The following DHX37 variants were observed in gnomAD, a reference collection of about 807,000 sequenced individuals.
DHX37 encodes DEAH-box helicase 37.
DHX37 carries 52 observed loss-of-function variants against 134.3 expected under a neutral mutation model. The observed-to-expected ratio is 0.39, with a 90% confidence interval of 0.31 to 0.49. The LOEUF is 0.49. Ranked by LOEUF, DHX37 falls within the 20% of genes least tolerant of loss-of-function variation. The pLI is 0.93. For synonymous variants in DHX37, 634 were observed against 670.7 expected (o/e 0.95, Z 0.85); for missense variants, 1,344 against 1,580.8 (o/e 0.85, Z 2.54).
chr12:124,967,699 T>C (rs1421424760), intron 10 of DHX37, among the ~76,000 whole-genome samples: 3 of 152,136 alleles, frequency 2.0e-5, no homozygotes, highest in Non-Finnish European at 2.9e-5. Flanking sequence ...GTCAAGCTTG[T>C]TGGGAAGCAC....
At position 124,980,427 on chromosome 12, in the gene DHX37, C is replaced by G; in HGVS notation, c.738+63G>C. The G allele has an allele frequency of 6.5e-7, 1 of 1,550,282 alleles. No individual in the cohort carries two copies. ...ATGCCCTTGCCCCACTTCACCAGGACGCCCTCTGTGCGCCCCTTGCCCGCT... is the reference window on the plus strand; with the variant it reads ...ATGCCCTTGCCCCACTTCACCAGGAGGCCCTCTGTGCGCCCCTTGCCCGCT... On this transcript the variant is annotated intron_variant, in intron 4 of 26. Coordinates refer to ENST00000308736, the MANE Select transcript of DHX37 (RefSeq NM_032656.4). The surrounding 1 kb of genome is among the most constrained non-coding windows in gnomAD (Gnocchi z 5.3).
chr12:124,972,462 G>A (rs1449407224), intron 7 of DHX37, 41 bp downstream of exon 7: 2 of 1,606,090 alleles, frequency 1.2e-6, no homozygotes, highest in Admixed American at 3.3e-5. Context: ...CCGCCCCCAT[G>A]CCCACTGGCC....
intron 15 of DHX37, among the ~76,000 whole-genome samples, chr12:124,961,461 C>T (rs1395781277): frequency 2.6e-5 from 4 of 152,056 alleles, no homozygotes; most frequent in African/African-American, 9.7e-5. Flanking sequence ...TGAAGTCTCG[C>T]TCTGTCGCCC....
chr12:124,977,332 C>T lies in DHX37; in HGVS notation c.887+10G>A, dbSNP rs369283485. ...AGGGACCCAGAGAGAACCCTGTGTCCAGCCCCTACCTGCTGAAGCCTGCTT... is the reference window on the plus strand; with the variant it reads ...AGGGACCCAGAGAGAACCCTGTGTCTAGCCCCTACCTGCTGAAGCCTGCTT... On this transcript the variant is annotated intron_variant, in intron 5 of 26. Transcript: ENST00000308736. The T allele has an allele frequency of 9.2e-5, 141 of 1,532,876 alleles. No individual in the cohort carries two copies. The highest frequency in any genetic ancestry group is 6.2e-4 in the Admixed American group (29 of 46,670). The allele number at this position is 1,532,876 out of a possible 1,614,324, so 95.0% of individuals were successfully genotyped here.
chr12:124,949,418 GC>G lies in DHX37; in HGVS notation c.3290+567del, dbSNP rs1319255786. 3.9e-5 allele frequency among the ~76,000 whole-genome samples: 6 copies of G among 152,188 alleles called. No individual in the cohort carries two copies. The highest frequency in any genetic ancestry group is 2.0e-4 in the Admixed American group (3 of 15,282). On this transcript the variant is annotated intron_variant, in intron 25 of 26. Coordinates refer to ENST00000308736, the MANE Select transcript of DHX37 (RefSeq NM_032656.4). The surrounding 1 kb of genome is among the most constrained non-coding windows in gnomAD (Gnocchi z 4.0). ...GGAGAGCAGAAGCAGGAGGCAGAGG[GC>G]AAGGGTGAGCCCTGAAGCAGAGGTG...
chr12:124,947,767 C>G lies in DHX37; in HGVS notation c.*35G>C. 1 of 1,527,234 alleles carries G rather than the reference C, an allele frequency of 6.5e-7. No homozygotes were observed. The highest frequency in any genetic ancestry group is 2.1e-5 in the Admixed American group (1 of 47,996). 94.6% of individuals were successfully genotyped at this position (1,527,234 alleles called of 1,614,324 possible). A position where few individuals can be genotyped will look rare whatever the true frequency, so the allele number is the denominator to read the frequency against. ...AGGCTGCTGCCAGCCCTCCAGTCCCCAAACCAGTCCTCGGCCCTGCAGCCA... is the reference window on the plus strand; with the variant it reads ...AGGCTGCTGCCAGCCCTCCAGTCCCGAAACCAGTCCTCGGCCCTGCAGCCA... On this transcript the variant is annotated 3_prime_UTR_variant, in exon 27 of 27. Coordinates refer to ENST00000308736, the MANE Select transcript of DHX37 (RefSeq NM_032656.4).
At position 124,968,234 on chromosome 12, in the gene DHX37, TC is replaced by T. The variant is rs111771730; in HGVS notation, c.1408+299del. On this transcript the variant is annotated intron_variant, in intron 10 of 26. Transcript: ENST00000308736. ...GTGACTCTTGGGGGGATGTGCCCGT[TC>T]CCCTACAGTGTCTATGGTCACCTGC... Among the ~76,000 whole-genome samples, 66 of 152,254 alleles carry T rather than the reference TC, an allele frequency of 4.3e-4. 1 individual carries two copies. The highest frequency in any genetic ancestry group is 3.4e-3 in the Middle Eastern group (1 of 294).
intron 15 of DHX37, among the ~76,000 whole-genome samples, chr12:124,961,278 GCA>G (rs201867332): frequency 3.8e-4 from 34 of 89,748 alleles, no homozygotes; most frequent in African/African-American, 1.1e-3. Flanking sequence ...ACGCGTGCAC[GCA>G]CACACACTTA....
In DHX37 at chr12:124,974,527, C is replaced by G. The variant is rs1954591258; in HGVS notation, c.980+892G>C. The stretch of plus-strand genomic sequence containing the variant: ...GGGCCGGTGGCTCTGTCTGGTCCAC[C>G]ACCACGTCCTGAGAGCCCAGGATGG... On this transcript the variant is annotated intron_variant, in intron 6 of 26. Coordinates refer to ENST00000308736, the MANE Select transcript of DHX37 (RefSeq NM_032656.4). Among the ~76,000 whole-genome samples the G allele has an allele frequency of 3.3e-5, 5 of 149,998 alleles. No homozygotes were observed. In the South Asian group the frequency reaches 1.1e-3, roughly 32 times the overall value.
rs575811691 is a variant in DHX37 at position 124,977,376 on chromosome 12, C to T, written c.853G>A (p.Val285Met). ...GETGSGKTTQ[V>M]PQFLYEAGFS... The stretch of plus-strand genomic sequence containing the variant: ...CCTGCTTCATAGAGAAACTGAGGCA[C>T]CTGTGTGGTCTTCCCGCTGCCGGTC... Residue 285 changes from valine (V) to methionine (M), a missense_variant, in exon 5 of 27, where the codon GTG becomes ATG. By Grantham distance (21) the Val-to-Met change is conservative. This residue lies in a region of DHX37 where 77 missense variants were observed against 121.6 expected (regional missense o/e 0.63). Transcript: ENST00000308736. The T allele has an allele frequency of 4.4e-6, 7 of 1,595,382 alleles. No homozygotes were observed. The highest frequency in any genetic ancestry group is 2.7e-5 in the African/African-American group (2 of 74,252).
intron 15 of DHX37, 44 bp downstream of exon 15, chr12:124,964,350 C>G: frequency 6.2e-7 from 1 of 1,605,742 alleles, no homozygotes; most frequent in Non-Finnish European, 8.5e-7. Context: ...GTGGCTATTG[C>G]AAGGCGGCAC....
rs774897800 is a variant in DHX37, at chr12:124,953,860, G to T, written c.2695+20C>A. 3.7e-6 allele frequency: 6 copies of T among 1,606,296 alleles called. No homozygotes were observed. The Admixed American group carries it at 1.0e-4, about 27-fold the overall frequency. On this transcript the variant is annotated intron_variant, in intron 20 of 26. Transcript: ENST00000308736. The stretch of plus-strand genomic sequence containing the variant: ...CAGGTTGCCCGCCGGGTGCAGCGGC[G>T]TGCCGGCACGGGGCCGTACCTGCGG...
intron 12 of DHX37, 85 bp from the exon 13 acceptor site, chr12:124,965,897 C>A: frequency 1.3e-6 from 2 of 1,528,846 alleles, no homozygotes; most frequent in Non-Finnish European, 8.8e-7. Context: ...GGTGCCCTCG[C>A]ATGGAAGCCC....
intron 8 of DHX37, among the ~76,000 whole-genome samples, chr12:124,970,882 G>T (rs1031678211): frequency 6.6e-6 from 1 of 152,204 alleles, no homozygotes; most frequent in African/African-American, 2.4e-5. Flanking sequence ...GCTGGGGCAG[G>T]GAGATGGAGA....
intron 2 of DHX37, among the ~76,000 whole-genome samples, chr12:124,983,781 T>A: frequency 8.2e-6 from 1 of 122,048 alleles, no homozygotes; most frequent in African/African-American, 3.1e-5. Context: ...CAAGACCTTG[T>A]CTCCAAAAAA....
At chr12:124,961,955 A>T (rs1373714364) in intron 15 of DHX37, among the ~76,000 whole-genome samples, 1 of 152,116 alleles carries the variant, frequency 6.6e-6, no homozygotes, top group Non-Finnish European at 1.5e-5. Flanking sequence ...ATATTAAAAA[A>T]AAAGTGGGGG....
intron 15 of DHX37, among the ~76,000 whole-genome samples, chr12:124,961,186 A>ATG (rs1555275405): frequency 2.5e-4 from 6 of 23,702 alleles, no homozygotes; most frequent in African/African-American, 4.1e-4. Flanking sequence ...GCATGCGCGC[A>ATG]CGCACACACA....
At chr12:124,955,846 G>A (rs11834872) in intron 18 of DHX37, among the ~76,000 whole-genome samples, 40,153 of 151,116 alleles carry the variant, frequency 0.27, 7,075 homozygotes, top group African/African-American at 0.51. Flanking sequence ...CTGAGGCCAC[G>A]TGTGGTTAGT....
In DHX37 at chr12:124,947,790, C is replaced by T. The variant is rs1162081830; in HGVS notation, c.*12G>A. The T allele has an allele frequency of 4.5e-6, 7 of 1,551,608 alleles. No individual in the cohort carries two copies. Among genetic ancestry groups the T allele is most frequent in the Admixed American group, 1.9e-5 (1 of 52,306 alleles). ...CCCAAACCAGTCCTCGGCCCTGCAG[C>T]CAGGTTTCTGGTCAGTGGACAGTGG... On this transcript the variant is annotated 3_prime_UTR_variant, in exon 27 of 27. Transcript: ENST00000308736.
Sources: allele counts gnomAD v4.1 joint callset (sites outside exome capture counted in the v4.1 genomes callset), GRCh38; gene constraint gnomAD v4.1.1; regional missense constraint gnomAD v4.1.1; non-coding constraint Gnocchi (gnomAD v3.1); transcripts MANE v1.5; gene names NCBI Gene and HGNC (gene_info 2026-07-23, HGNC 2026-07-21).